L3MBTL3: variants seen among roughly 807,000 people sequenced by gnomAD.
L3MBTL3 encodes L3MBTL histone methyl-lysine binding protein 3, also known as lethal(3)malignant brain tumor-like protein 3.
In L3MBTL3, 27 loss-of-function variants were observed where a neutral mutation model predicts 102.3. The ratio of observed to expected loss-of-function variants is 0.26; its 90% CI spans 0.19 to 0.36. L3MBTL3 has a LOEUF of 0.36. Among genes scored for constraint, L3MBTL3 ranks in the 10% least tolerant of loss-of-function variants. The pLI, the probability that L3MBTL3 is intolerant of heterozygous loss-of-function variation, is 1.00. For missense variants in L3MBTL3, 798 were observed against 955.3 expected (o/e 0.84, Z 2.17); for synonymous variants, 340 against 320.9 (o/e 1.06, Z -0.64).
In L3MBTL3 at chr6:130,133,687, A is replaced by G. The variant is rs142602467; in HGVS notation, c.2136+66A>G. Reference sequence around the variant, plus strand: ...ATTACTGGCTTAAGAGGTGTGGAACATTGAGCGTAGGTAGCGTTTAGTCTT... The same window carrying G: ...ATTACTGGCTTAAGAGGTGTGGAACGTTGAGCGTAGGTAGCGTTTAGTCTT... On this transcript the variant is annotated intron_variant, in intron 21 of 22. Transcript: ENST00000361794. This position sits in a 1 kb window ranked among gnomAD's most constrained non-coding sequence, Gnocchi z 4.9. 1.2e-4 allele frequency: 197 copies of G among 1,580,634 alleles called. No homozygotes were observed. The East Asian group carries it at 3.4e-3, about 27-fold the overall frequency.
At chr6:130,039,793 T>A (rs748342071) in intron 2 of L3MBTL3, among the ~76,000 whole-genome samples, 2 of 152,222 alleles carry the variant, frequency 1.3e-5, no homozygotes, top group East Asian at 1.9e-4. Context: ...TATCTGCTTC[T>A]GCATTCTTGT....
chr6:130,024,189 G>A (rs1779184906), intron 2 of L3MBTL3, among the ~76,000 whole-genome samples: 1 of 151,950 alleles, frequency 6.6e-6, no homozygotes, highest in South Asian at 2.1e-4. Context: ...TAACTATAGG[G>A]GCCAGAACAT....
intron 10 of L3MBTL3, among the ~76,000 whole-genome samples, chr6:130,064,564 G>A (rs12524029): frequency 0.021 from 3,149 of 152,236 alleles, 56 homozygotes; most frequent in Middle Eastern, 0.054. Flanking sequence ...TAAGTGTTTG[G>A]GTGGTTAGCA....
chr6:130,096,558 C>T (rs148702842), intron 18 of L3MBTL3, among the ~76,000 whole-genome samples: 16 of 152,288 alleles, frequency 1.1e-4, no homozygotes, highest in Non-Finnish European at 1.8e-4. Context: ...CTCCTTAGGA[C>T]TGCTTTACGT....
intron 16 of L3MBTL3, among the ~76,000 whole-genome samples, chr6:130,088,700 A>G (rs1428182545): frequency 6.6e-6 from 1 of 152,010 alleles, no homozygotes; most frequent in Non-Finnish European, 1.5e-5. Context: ...AGAGGCAAAA[A>G]CTGTCAGCTC....
intron 12 of L3MBTL3, among the ~76,000 whole-genome samples, chr6:130,070,189 A>G (rs1172304278): frequency 2.6e-5 from 4 of 152,182 alleles, no homozygotes; most frequent in African/African-American, 9.7e-5. Context: ...GTATCTAGAT[A>G]TACTAGTCTA....
intron 3 of L3MBTL3, among the ~76,000 whole-genome samples, chr6:130,043,064 A>G (rs1459593301): frequency 2.0e-5 from 3 of 152,208 alleles, no homozygotes; most frequent in African/African-American, 7.2e-5. Context: ...TATAGTTTCA[A>G]GAAGGATCAT....
chr6:130,068,492 A>G, intron 12 of L3MBTL3, 71 bp downstream of exon 12: 2 of 756,312 alleles, frequency 2.6e-6, no homozygotes, highest in South Asian at 1.6e-5. Context: ...ATCAATTACA[A>G]GTGATAACAA....
Position 130,066,460 on chromosome 6 carries a change from A to T in L3MBTL3, c.972A>T (p.Lys324Asn). ...TCCACCCAGTTGGGTGGTGTGAGAA[A>T]ACCGGCCACAAACTCCATCCTCCAA... ...LDIHPVGWCE[K>N]TGHKLHPPKG... is the part of the protein sequence containing the mutation. The change falls in exon 11 of 23, where the codon AAA becomes AAT. Residue 324 changes from lysine to asparagine, a missense_variant. By Grantham distance (94) the Lys-to-Asn change is moderately conservative. Around this residue, in one of 4 missense-constraint regions of L3MBTL3, gnomAD observed 434 missense variants for 506.6 expected, o/e 0.86. Coordinates refer to ENST00000361794, the MANE Select transcript of L3MBTL3 (RefSeq NM_032438.4). 1 of 1,610,698 alleles carries T rather than the reference A, an allele frequency of 6.2e-7. No homozygotes were observed. Among genetic ancestry groups the T allele is most frequent in the Non-Finnish European group, 8.5e-7 (1 of 1,178,774 alleles).
intron 13 of L3MBTL3, among the ~76,000 whole-genome samples, chr6:130,076,174 C>T (rs62421346): frequency 0.064 from 9,684 of 152,174 alleles, 452 homozygotes; most frequent in Non-Finnish European, 0.1. Flanking sequence ...GTGAAGAAGC[C>T]AAGTGTCCTG....
At chr6:130,136,644 G>A (rs536131415) in intron 22 of L3MBTL3, among the ~76,000 whole-genome samples, 2 of 151,208 alleles carry the variant, frequency 1.3e-5, no homozygotes, top group Admixed American at 1.3e-4. Flanking sequence ...TTGAGACAGA[G>A]CCTCACTCTG....
At chr6:130,063,245 G>A (rs1782029026) in intron 10 of L3MBTL3, among the ~76,000 whole-genome samples, 1 of 152,146 alleles carries the variant, frequency 6.6e-6, no homozygotes, top group Non-Finnish European at 1.5e-5. Flanking sequence ...CTGTTTGGAG[G>A]CACACATTTG....
chr6:130,032,031 G>A (rs889240981), intron 2 of L3MBTL3, among the ~76,000 whole-genome samples: 2 of 151,962 alleles, frequency 1.3e-5, no homozygotes, highest in African/African-American at 2.4e-5. Context: ...CACCTGCTCC[G>A]CCTCCCGAGT....
intron 9 of L3MBTL3, among the ~76,000 whole-genome samples, chr6:130,057,835 G>C (rs940477190): frequency 5.9e-5 from 9 of 152,168 alleles, no homozygotes; most frequent in African/African-American, 1.9e-4. Flanking sequence ...CAACATTGTG[G>C]CTTTGAGAGA....
intron 19 of L3MBTL3, among the ~76,000 whole-genome samples, chr6:130,106,347 G>A (rs1344534632): frequency 6.6e-6 from 1 of 152,104 alleles, no homozygotes; most frequent in Non-Finnish European, 1.5e-5. Context: ...GAGTGGGTTT[G>A]AAAGTTCCCA....
chr6:130,075,894 C>T (rs1293961774), intron 13 of L3MBTL3, among the ~76,000 whole-genome samples: 1 of 152,196 alleles, frequency 6.6e-6, no homozygotes, highest in African/African-American at 2.4e-5. Flanking sequence ...GAGATGCTAT[C>T]ACCTTTATCT....
At position 130,140,796 on chromosome 6, in the gene L3MBTL3, G is replaced by C. The variant is rs1431819723; in HGVS notation, c.*1043G>C. The C allele has an allele frequency of 2.0e-5, 3 of 152,322 alleles. No individual in the cohort carries two copies. The highest frequency in any genetic ancestry group is 4.4e-5 in the Non-Finnish European group (3 of 68,052). 9.4% of individuals were successfully genotyped at this position (152,322 alleles called of 1,614,324 possible). A position where few individuals can be genotyped will look rare whatever the true frequency, so the allele number is the denominator to read the frequency against. Reference sequence around the variant, plus strand: ...TTTTTCAGGGTTGGCTAGAGAGCGAGTATTGTGATTTTGCTGAAAAGACAA... The same window carrying C: ...TTTTTCAGGGTTGGCTAGAGAGCGACTATTGTGATTTTGCTGAAAAGACAA... On this transcript the variant is annotated 3_prime_UTR_variant, in exon 23 of 23. Transcript: ENST00000361794.
intron 18 of L3MBTL3, among the ~76,000 whole-genome samples, chr6:130,102,101 GAA>G (rs138591198): frequency 4.8e-5 from 7 of 146,168 alleles, no homozygotes; most frequent in African/African-American, 1.5e-4. Flanking sequence ...ATCTCAGGGG[GAA>G]AAAAAAAAGG....
At chr6:130,070,357 C>A (rs775516313) in intron 12 of L3MBTL3, among the ~76,000 whole-genome samples, 6 of 152,140 alleles carry the variant, frequency 3.9e-5, no homozygotes, top group African/African-American at 9.7e-5. Flanking sequence ...CTTTAAGTTA[C>A]CAACTATTTT....
Sources: allele counts gnomAD v4.1 joint callset (sites outside exome capture counted in the v4.1 genomes callset), GRCh38; gene constraint gnomAD v4.1.1; regional missense constraint gnomAD v4.1.1; non-coding constraint Gnocchi (gnomAD v3.1); transcripts MANE v1.5; gene names NCBI Gene and HGNC (gene_info 2026-07-23, HGNC 2026-07-21).